EFTUD2: variants seen among roughly 807,000 people sequenced by gnomAD.
EFTUD2 encodes elongation factor Tu GTP binding domain containing 2.
A neutral mutation model predicts 114.3 loss-of-function variants in EFTUD2; 9 were observed. The ratio of observed to expected loss-of-function variants is 0.08; its 90% CI spans 0.05 to 0.14. The LOEUF is 0.14. EFTUD2 is among the 10% of genes least tolerant of loss of function. The pLI is 1.00. For synonymous variants in EFTUD2, 449 were observed against 462.3 expected, an observed-to-expected ratio of 0.97 and a Z score of 0.37; for missense variants, 765 against 1,241.2, an observed-to-expected ratio of 0.62 and a Z score of 5.76.
At chr17:44,869,150 C>A (rs2050801675) in intron 11 of EFTUD2, among the ~76,000 whole-genome samples, 1 of 152,240 alleles carries the variant, frequency 6.6e-6, no homozygotes, top group South Asian at 2.1e-4. Context: ...ACCAAATTTT[C>A]AGCTAAACTC....
At chr17:44,894,705 CCTTA>C (rs1421928772) in intron 1 of EFTUD2, among the ~76,000 whole-genome samples, 180 bp from the exon 2 acceptor site, 2 of 152,186 alleles carry the variant, frequency 1.3e-5, no homozygotes, top group Non-Finnish European at 2.9e-5. Flanking sequence ...CAAGTCTCTG[CCTTA>C]CTTGTCTCTA....
At chr17:44,888,343 C>T (rs760467289) in intron 2 of EFTUD2, among the ~76,000 whole-genome samples, 1 of 152,192 alleles carries the variant, frequency 6.6e-6, no homozygotes, top group Non-Finnish European at 1.5e-5. Flanking sequence ...TGCTGCTAAA[C>T]ATCCTACAAC....
intron 2 of EFTUD2, chr17:44,894,078 A>G (rs2051332032): frequency 1.4e-5 from 3 of 209,794 alleles, no homozygotes; most frequent in African/African-American, 7.1e-5. Flanking sequence ...AAAAAAAAAA[A>G]AAAGAAAAAA....
At chr17:44,874,257 C>G (rs532572177) in intron 10 of EFTUD2, among the ~76,000 whole-genome samples, 1 of 152,194 alleles carries the variant, frequency 6.6e-6, no homozygotes, top group African/African-American at 2.4e-5. Flanking sequence ...GTTGCCCAGG[C>G]TGGCCTTGAA....
At chr17:44,863,620 A>G in intron 15 of EFTUD2, 35 bp downstream of exon 15, 2 of 1,600,738 alleles carry the variant, frequency 1.2e-6, no homozygotes, top group Non-Finnish European at 1.7e-6. Context: ...AAGGGGAAAA[A>G]AAGACCAGAG....
intron 5 of EFTUD2, chr17:44,883,430 A>T (rs2051108873): frequency 4.9e-6 from 3 of 611,836 alleles, no homozygotes; most frequent in Non-Finnish European, 5.8e-6. Flanking sequence ...AGATGTAGAC[A>T]TAAGGCTCAG....
chr17:44,879,911 A>G (rs2051039631), intron 8 of EFTUD2, among the ~76,000 whole-genome samples: 2 of 152,056 alleles, frequency 1.3e-5, no homozygotes, highest in African/African-American at 4.8e-5. Flanking sequence ...GCTTAGCCTA[A>G]TCAGCAGTAA....
intron 11 of EFTUD2, among the ~76,000 whole-genome samples, chr17:44,868,879 C>T (rs534395739): frequency 6.6e-6 from 1 of 152,300 alleles, no homozygotes; most frequent in South Asian, 2.1e-4. Flanking sequence ...CAACCTTTGG[C>T]TCATCTTTCA....
intron 8 of EFTUD2, 80 bp from the exon 9 acceptor site, chr17:44,879,718 C>T (rs1200791181): frequency 7.1e-7 from 1 of 1,400,296 alleles, no homozygotes; most frequent in Non-Finnish European, 9.9e-7. Flanking sequence ...TGAGGGGGCA[C>T]TTCAAAGCCC....
chr17:44,868,005 G>T, intron 12 of EFTUD2, 108 bp from the exon 13 acceptor site: 1 of 1,127,246 alleles, frequency 8.9e-7, no homozygotes, highest in Non-Finnish European at 1.2e-6. Flanking sequence ...GGGGAGGAAT[G>T]TGTGTGTGAC....
chr17:44,880,154 AAG>A (rs1246118839), intron 8 of EFTUD2, among the ~76,000 whole-genome samples: 3 of 152,292 alleles, frequency 2.0e-5, no homozygotes, highest in South Asian at 2.1e-4. Context: ...CCATAGGAGG[AAG>A]AGTCAGCCAA....
chr17:44,862,578 G>A (rs756258680), intron 16 of EFTUD2, 135 bp downstream of exon 16: 19 of 770,664 alleles, frequency 2.5e-5, no homozygotes, highest in East Asian at 2.0e-4. Flanking sequence ...ATAGCCCTGC[G>A]GAGGGAGAGC....
chr17:44,868,251 AC>A (rs1652217858), intron 12 of EFTUD2, 35 bp downstream of exon 12: 1 of 1,584,590 alleles, frequency 6.3e-7, no homozygotes. Context: ...GTAAATGATC[AC>A]CCCTCTGGAA....
chr17:44,888,487 C>A (rs113557183), intron 2 of EFTUD2, among the ~76,000 whole-genome samples: 154 of 152,242 alleles, frequency 1.0e-3, no homozygotes, highest in African/African-American at 3.3e-3. Context: ...ACTCCAGCCC[C>A]TATGCTGAGA....
intron 25 of EFTUD2, 34 bp downstream of exon 25, chr17:44,853,262 C>T: frequency 6.2e-7 from 1 of 1,607,198 alleles, no homozygotes; most frequent in Non-Finnish European, 8.5e-7. Flanking sequence ...CTCTTGCTCT[C>T]AGCACTCTCC....
Position 44,865,083 on chromosome 17 carries a change from A to G in EFTUD2, c.1150-18T>C. The stretch of plus-strand genomic sequence containing the variant: ...CCTACAACCTGTGAGGGTGTAAGAC[A>G]CCATGTCAGCTGTAGTGAGAGCCTG... On this transcript the variant is annotated intron_variant, in intron 13 of 27. Transcript: ENST00000426333. 6.2e-7 allele frequency: 1 copy of G among 1,613,938 alleles called. No homozygotes were observed. Among genetic ancestry groups the G allele is most frequent in the South Asian group, 1.1e-5 (1 of 91,056 alleles).
chr17:44,865,237 C>T (rs1247409618), intron 13 of EFTUD2, 172 bp from the exon 14 acceptor site: 2 of 883,480 alleles, frequency 2.3e-6, no homozygotes, highest in Non-Finnish European at 3.3e-6. Context: ...ATCTCTGCTA[C>T]CTACCCTTCA....
chr17:44,868,557 A>G (rs1302042416), intron 11 of EFTUD2: 2 of 537,940 alleles, frequency 3.7e-6, no homozygotes, highest in East Asian at 6.1e-5. Context: ...GCTGTGCTGG[A>G]GCCAAAATGA....
Position 44,854,420 on chromosome 17 carries a change from G to C in EFTUD2, c.2260-64C>G. The C allele has an allele frequency of 6.3e-7, 1 of 1,577,452 alleles. No individual in the cohort carries two copies. The highest frequency in any genetic ancestry group is 8.6e-7 in the Non-Finnish European group (1 of 1,161,222). Reference sequence around the variant, plus strand: ...GCAACGGCTGAAGCATTTAGAGGGAGAAGACAGATGTGCCTGTAAGGGGAT... The same window carrying C: ...GCAACGGCTGAAGCATTTAGAGGGACAAGACAGATGTGCCTGTAAGGGGAT... On this transcript the variant is annotated intron_variant, in intron 22 of 27. Transcript: ENST00000426333. This position sits in a 1 kb window ranked among gnomAD's most constrained non-coding sequence, Gnocchi z 4.3.
Sources: allele counts gnomAD v4.1 joint callset (sites outside exome capture counted in the v4.1 genomes callset), GRCh38; gene constraint gnomAD v4.1.1; non-coding constraint Gnocchi (gnomAD v3.1); transcripts MANE v1.5; gene names NCBI Gene and HGNC (gene_info 2026-07-23, HGNC 2026-07-21).